CADM2: variants seen among roughly 807,000 people sequenced by gnomAD.
The protein encoded by CADM2 is immunoglobulin superfamily member 4D.
A neutral mutation model predicts 49.8 loss-of-function variants in CADM2; 12 were observed. That is an observed-to-expected ratio of 0.24 (90% CI 0.15 to 0.39). The LOEUF (loss-of-function observed/expected upper bound fraction) is 0.39, where lower values mean the gene tolerates loss of function less well. Among genes scored for constraint, CADM2 ranks in the 10% least tolerant of loss-of-function variants. CADM2 has a pLI of 1.00. For synonymous variants in CADM2, 214 were observed against 175.4 expected, an observed-to-expected ratio of 1.22 and a Z score of -1.74; for missense variants, 378 against 492.3, an observed-to-expected ratio of 0.77 and a Z score of 2.20.
At chr3:85,572,359 G>GTATAAAATAAAA (rs2062504383) in intron 1 of CADM2, among the ~76,000 whole-genome samples, 1 of 152,024 alleles carries the variant, frequency 6.6e-6, no homozygotes, top group South Asian at 2.1e-4. Flanking sequence ...AATATATGAG[G>GTATAAAATAAAA]CATAAAAGTT....
intron 8 of CADM2, among the ~76,000 whole-genome samples, chr3:86,020,052 G>GT (rs1415231157): frequency 6.6e-6 from 1 of 152,068 alleles, no homozygotes; most frequent in Non-Finnish European, 1.5e-5. Context: ...CCAGGAGCTG[G>GT]TTTTTTGAAA....
At chr3:85,213,266 C>T (rs1241418852) in intron 1 of CADM2, among the ~76,000 whole-genome samples, 1 of 152,072 alleles carries the variant, frequency 6.6e-6, no homozygotes, top group African/African-American at 2.4e-5. Context: ...TTGATGAAAT[C>T]ACTCTGCTTT....
At chr3:85,094,090 G>T (rs1369390287) in intron 1 of CADM2, among the ~76,000 whole-genome samples, 3 of 152,212 alleles carry the variant, frequency 2.0e-5, no homozygotes, top group Non-Finnish European at 4.4e-5. Context: ...GTTTGTTAAA[G>T]TAGAGTCCTA....
At chr3:85,084,579 G>A (rs1449337849) in intron 1 of CADM2, among the ~76,000 whole-genome samples, 1 of 152,120 alleles carries the variant, frequency 6.6e-6, no homozygotes, top group East Asian at 1.9e-4. Flanking sequence ...AATGTAAAAT[G>A]TCACATTCAT....
At chr3:84,987,662 C>T (rs371897297) in intron 1 of CADM2, among the ~76,000 whole-genome samples, 12 of 152,118 alleles carry the variant, frequency 7.9e-5, no homozygotes, top group African/African-American at 2.7e-4. Context: ...TAATCTGGCC[C>T]GATTTTGTTG....
At chr3:85,745,614 C>G (rs1189197463) in intron 2 of CADM2, among the ~76,000 whole-genome samples, 1 of 151,986 alleles carries the variant, frequency 6.6e-6, no homozygotes, top group African/African-American at 2.4e-5. Context: ...GCCGGTAATC[C>G]CAACACTTTG....
intron 1 of CADM2, among the ~76,000 whole-genome samples, chr3:85,537,592 G>T (rs1237085519): frequency 6.6e-6 from 1 of 151,896 alleles, no homozygotes; most frequent in Non-Finnish European, 1.5e-5. Flanking sequence ...AAACTGTTTG[G>T]TGATTGTAGA....
At chr3:85,429,557 T>G (rs2036573296) in intron 1 of CADM2, among the ~76,000 whole-genome samples, 1 of 152,132 alleles carries the variant, frequency 6.6e-6, no homozygotes. Context: ...AATGGTTGGT[T>G]ATATTCATGG....
At chr3:85,529,724 C>T (rs2061253017) in intron 1 of CADM2, among the ~76,000 whole-genome samples, 1 of 151,978 alleles carries the variant, frequency 6.6e-6, no homozygotes, top group Admixed American at 6.6e-5. Context: ...TACCTGCCCT[C>T]AGCATTTGGA....
intron 1 of CADM2, among the ~76,000 whole-genome samples, chr3:85,714,996 A>G (rs1470350579): frequency 6.6e-6 from 1 of 152,038 alleles, no homozygotes; most frequent in Non-Finnish European, 1.5e-5. Flanking sequence ...TCGTTCCTGG[A>G]AAAAAAATTA....
chr3:85,773,759 C>A (rs1043406659), intron 2 of CADM2, among the ~76,000 whole-genome samples: 1 of 151,872 alleles, frequency 6.6e-6, no homozygotes, highest in Non-Finnish European at 1.5e-5. Flanking sequence ...TGCTGGGGTT[C>A]GTGCCAATCT....
In CADM2 at chr3:85,349,051, CAG is replaced by C. The variant is rs1227389330; in HGVS notation, c.62-377468_62-377467del. 2.6e-5 allele frequency among the ~76,000 whole-genome samples: 4 copies of C among 152,018 alleles called. No homozygotes were observed. The South Asian group carries it at 6.2e-4, about 24-fold the overall frequency. ...AATTTTCTGTATAACCCTAAATATT[CAG>C]AGTTTCCCTGTATGGCCCCTGTTCT... On this transcript the variant is annotated intron_variant, in intron 1 of 9. Transcript: ENST00000383699.
intron 5 of CADM2, among the ~76,000 whole-genome samples, chr3:85,894,924 A>C (rs1715011355): frequency 1.3e-5 from 2 of 152,228 alleles, no homozygotes; most frequent in Non-Finnish European, 2.9e-5. Flanking sequence ...TGGATGTCAA[A>C]GCAGAAGTTT....
At chr3:85,880,832 T>C (rs1712648950) in intron 3 of CADM2, among the ~76,000 whole-genome samples, 2 of 152,220 alleles carry the variant, frequency 1.3e-5, no homozygotes, top group African/African-American at 4.8e-5. Flanking sequence ...CTTTTCGAAG[T>C]TTCCTCTTGA....
rs2064201795 is a variant in CADM2 at position 85,628,600 on chromosome 3, C to CATATATAT, written c.62-97921_62-97920insTATATATA. Among the ~76,000 whole-genome samples, 3 of 14,486 alleles carry CATATATAT rather than the reference C, an allele frequency of 2.1e-4. No homozygotes were observed. In the South Asian group the frequency reaches 5.7e-3, roughly 27 times the overall value. 9.5% of individuals were successfully genotyped at this position (14,486 alleles called of 152,430 possible). On this transcript the variant is annotated intron_variant, in intron 1 of 9. Transcript: ENST00000383699. ...ACACACACATATATATACATATATA[C>CATATATAT]ACATATATACATTTATATACATATA...
chr3:86,052,843 T>A (rs1737500712), intron 8 of CADM2, among the ~76,000 whole-genome samples: 1 of 152,142 alleles, frequency 6.6e-6, no homozygotes, highest in Non-Finnish European at 1.5e-5. Flanking sequence ...AGTATGTTTC[T>A]TACAAACTTT....
intron 2 of CADM2, among the ~76,000 whole-genome samples, chr3:85,734,107 T>C (rs1434662617): frequency 6.6e-6 from 1 of 152,268 alleles, no homozygotes; most frequent in East Asian, 1.9e-4. Context: ...GATGGAATTA[T>C]GGTTACATAT....
chr3:85,314,654 A>G (rs1232867295), intron 1 of CADM2, among the ~76,000 whole-genome samples: 2 of 152,146 alleles, frequency 1.3e-5, no homozygotes, highest in Admixed American at 1.3e-4. Flanking sequence ...CTCTTACTCA[A>G]TAAATAAAAC....
chr3:85,954,676 G>T (rs1723830693), intron 7 of CADM2, among the ~76,000 whole-genome samples: 1 of 151,022 alleles, frequency 6.6e-6, no homozygotes, highest in Non-Finnish European at 1.5e-5. Flanking sequence ...GTTTGTTCAG[G>T]ATTCTTTTTT....
Sources: allele counts gnomAD v4.1 joint callset (sites outside exome capture counted in the v4.1 genomes callset), GRCh38; gene constraint gnomAD v4.1.1; transcripts MANE v1.5; gene names NCBI Gene and HGNC (gene_info 2026-07-23, HGNC 2026-07-21).